The following SMPDL3A variants were observed in gnomAD, a reference collection of about 807,000 sequenced individuals.
SMPDL3A encodes cyclic GMP-AMP phosphodiesterase SMPDL3A.
In SMPDL3A, 39 loss-of-function variants were observed where a neutral mutation model predicts 38.5. That is an observed-to-expected ratio of 1.01 (90% CI 0.78 to 1.32). The LOEUF is 1.32. Among genes scored for constraint, SMPDL3A ranks in the 40% most tolerant of loss-of-function variants. The pLI, the probability that SMPDL3A is intolerant of heterozygous loss-of-function variation, is 0.00. For missense variants in SMPDL3A, 502 were observed against 536.2 expected (o/e 0.94, Z 0.63); for synonymous variants, 180 against 194.3 (o/e 0.93, Z 0.61).
At chr6:122,792,179 G>T (rs1781100022) in intron 1 of SMPDL3A, among the ~76,000 whole-genome samples, 1 of 152,200 alleles carries the variant, frequency 6.6e-6, no homozygotes, top group South Asian at 2.1e-4. Flanking sequence ...CATTATTCAT[G>T]AGTCCCAGGT....
rs968463105 is a variant in SMPDL3A at position 122,809,382 on chromosome 6, C to T, written c.1336C>T (p.Gln446Ter). 2 of 1,613,082 alleles carry T rather than the reference C, an allele frequency of 1.2e-6. No individual in the cohort carries two copies. Among genetic ancestry groups the T allele is most frequent in the Non-Finnish European group, 8.5e-7 (1 of 1,179,426 alleles). The change falls in exon 8 of 8, where the codon CAG becomes TAG. Residue 446 changes from glutamine (Q) to a stop codon, truncating the protein, a stop_gained. Transcript: ENST00000368440. LOFTEE classifies it low-confidence loss of function (END_TRUNC). The part of the protein sequence containing the change: ...DNISYADCLK[Q>*]LYIKHNY The stretch of plus-strand genomic sequence containing the variant: ...TATTTCCTATGCAGATTGCCTCAAA[C>T]AGCTTTATATAAAGCACAATTACTA...
chr6:122,802,605 G>A (rs1388449663), intron 4 of SMPDL3A, among the ~76,000 whole-genome samples: 2 of 152,184 alleles, frequency 1.3e-5, no homozygotes, highest in African/African-American at 4.8e-5. Flanking sequence ...GAAATGCTCT[G>A]CCTTCTAAGG....
chr6:122,799,623 TG>T (rs1224815401), intron 3 of SMPDL3A, among the ~76,000 whole-genome samples: 1 of 152,182 alleles, frequency 6.6e-6, no homozygotes, highest in Non-Finnish European at 1.5e-5. Context: ...CCTAAGCTGT[TG>T]TGTAATTCTC....
chr6:122,808,504 T>C lies in SMPDL3A; in HGVS notation c.1045-587T>C, dbSNP rs544485086. On this transcript the variant is annotated intron_variant, in intron 7 of 7. Coordinates refer to ENST00000368440, the MANE Select transcript of SMPDL3A (RefSeq NM_006714.5). Reference sequence around the variant, plus strand: ...TTGAAGGTTTTTTATTTTGTTCACCTCTCTTTATAGTTTGGATTACATGCT... The same window carrying C: ...TTGAAGGTTTTTTATTTTGTTCACCCCTCTTTATAGTTTGGATTACATGCT... Among the ~76,000 whole-genome samples the C allele has an allele frequency of 7.9e-5, 12 of 152,224 alleles. No homozygotes were observed. The South Asian group carries it at 2.1e-3, about 26-fold the overall frequency.
At chr6:122,791,510 A>G (rs1305337949) in intron 1 of SMPDL3A, among the ~76,000 whole-genome samples, 2 of 152,126 alleles carry the variant, frequency 1.3e-5, no homozygotes, top group Non-Finnish European at 2.9e-5. Context: ...TGAGTGTTCA[A>G]ACTATGTTCA....
intron 5 of SMPDL3A, 108 bp downstream of exon 5, chr6:122,803,941 GA>G (rs1781511377): frequency 2.3e-6 from 2 of 873,526 alleles, no homozygotes; most frequent in Non-Finnish European, 3.4e-6. Flanking sequence ...ATAATTTGAA[GA>G]TTTTTTTTGC....
rs1582527493 is a variant in SMPDL3A, at chr6:122,789,280, T to C, written c.-67T>C. On this transcript the variant is annotated 5_prime_UTR_variant, in exon 1 of 8. Coordinates refer to ENST00000368440, the MANE Select transcript of SMPDL3A (RefSeq NM_006714.5). ...GCCGTCTTCTGTCTCCGCCTCACCC[T>C]CAGGCCTGACGGTCCGAGTGGAGCT... 2 of 1,174,408 alleles carry C rather than the reference T, an allele frequency of 1.7e-6. No individual in the cohort carries two copies. Among genetic ancestry groups the C allele is most frequent in the East Asian group, 2.6e-5 (1 of 37,768 alleles). 72.7% of individuals were successfully genotyped at this position (1,174,408 alleles called of 1,614,324 possible). A position where few individuals can be genotyped will look rare whatever the true frequency, so the allele number is the denominator to read the frequency against.
intron 4 of SMPDL3A, among the ~76,000 whole-genome samples, chr6:122,801,729 G>A (rs1193029151): frequency 2.0e-5 from 3 of 152,234 alleles, no homozygotes; most frequent in Non-Finnish European, 4.4e-5. Flanking sequence ...ATTGAGAAGA[G>A]AGAATGGACA....
intron 4 of SMPDL3A, among the ~76,000 whole-genome samples, chr6:122,803,421 A>C (rs1217581055): frequency 6.6e-6 from 1 of 152,188 alleles, no homozygotes; most frequent in East Asian, 1.9e-4. Context: ...TGAATATTGG[A>C]TACAGCTGTT....
chr6:122,796,402 C>A (rs1781249242), intron 2 of SMPDL3A, among the ~76,000 whole-genome samples: 1 of 152,138 alleles, frequency 6.6e-6, no homozygotes, highest in Non-Finnish European at 1.5e-5. Flanking sequence ...TTAATTTTTA[C>A]AATGGATATT....
chr6:122,803,729 T>C lies in SMPDL3A; in HGVS notation c.634T>C (p.Leu212=). The change falls in exon 5 of 8, where the codon TTG becomes CTG. Residue 212 remains leucine, a synonymous_variant. Coordinates refer to ENST00000368440, the MANE Select transcript of SMPDL3A (RefSeq NM_006714.5). ...TAGGATCATCAGTCTAAACACAAAC[T>C]TGTACTACGGCCCAAATATAATGAC... is the stretch of plus-strand genomic sequence containing the variant. ...NLRIISLNTN[L]YYGPNIMTLN... The C allele has an allele frequency of 6.2e-7, 1 of 1,614,070 alleles. No individual in the cohort carries two copies. The highest frequency in any genetic ancestry group is 8.5e-7 in the Non-Finnish European group (1 of 1,179,962).
In SMPDL3A at chr6:122,789,459, G is replaced by C. The variant is rs1354684132; in HGVS notation, c.112+1G>C. 3 of 1,547,692 alleles carry C rather than the reference G, an allele frequency of 1.9e-6. No individual in the cohort carries two copies. The highest frequency in any genetic ancestry group is 2.6e-6 in the Non-Finnish European group (3 of 1,144,854). Reference sequence around the variant, plus strand: ...GGCAGGAATCCTCCTCCGGCGATAGGTGAGTTGTCCGCGACCCTTCTCTTC... The same window carrying C: ...GGCAGGAATCCTCCTCCGGCGATAGCTGAGTTGTCCGCGACCCTTCTCTTC... On this transcript the variant is annotated splice_donor_variant, in intron 1 of 7. Transcript: ENST00000368440. LOFTEE classifies it high-confidence loss of function.
At chr6:122,798,850 G>A (rs571845564) in intron 3 of SMPDL3A, among the ~76,000 whole-genome samples, 6 of 152,044 alleles carry the variant, frequency 3.9e-5, no homozygotes, top group Non-Finnish European at 8.8e-5. Context: ...GGTAAATTGG[G>A]CAGCCTACAT....
intron 2 of SMPDL3A, among the ~76,000 whole-genome samples, chr6:122,796,109 T>C (rs1228217430): frequency 2.0e-5 from 3 of 152,148 alleles, no homozygotes; most frequent in African/African-American, 7.2e-5. Context: ...CAGTGTTAAC[T>C]AAGAGATGAA....
intron 7 of SMPDL3A, among the ~76,000 whole-genome samples, chr6:122,808,609 C>CCTT (rs1562357722): frequency 2.3e-3 from 101 of 44,362 alleles, no homozygotes; most frequent in South Asian, 8.7e-3. Flanking sequence ...CTCCCTCCCT[C>CCTT]CCTTCCTTCC....
chr6:122,798,689 CA>C (rs1562350774), intron 3 of SMPDL3A, among the ~76,000 whole-genome samples: 1 of 152,160 alleles, frequency 6.6e-6, no homozygotes, highest in African/African-American at 2.4e-5. Flanking sequence ...TAAGTGGTGA[CA>C]GGGGATACAT....
intron 6 of SMPDL3A, 94 bp from the exon 7 acceptor site, chr6:122,806,139 T>G: frequency 8.9e-7 from 1 of 1,125,376 alleles, no homozygotes. Context: ...CACTTGGTTA[T>G]GTCTGTTAAT....
In SMPDL3A at chr6:122,801,302, G is replaced by A. The variant is rs1256505745; in HGVS notation, c.472-8G>A. On this transcript the variant is annotated splice_polypyrimidine_tract_variant and splice_region_variant and intron_variant, in intron 3 of 7. Coordinates refer to ENST00000368440, the MANE Select transcript of SMPDL3A (RefSeq NM_006714.5). ...ATTTCAATGGTGGATTATATTGTTT[G>A]TGGCCAGGATCAACTGCCTGTAGTC... The A allele has an allele frequency of 6.3e-7, 1 of 1,597,694 alleles. No homozygotes were observed. Among genetic ancestry groups the A allele is most frequent in the Non-Finnish European group, 8.6e-7 (1 of 1,165,842 alleles).
At position 122,796,971 on chromosome 6, in the gene SMPDL3A, A is replaced by C; in HGVS notation, c.471+3A>C. On this transcript the variant is annotated splice_donor_region_variant and intron_variant, in intron 3 of 7. Coordinates refer to ENST00000368440, the MANE Select transcript of SMPDL3A (RefSeq NM_006714.5). Reference sequence around the variant, plus strand: ...GTAATCATGACTATTGGCCACAGGTAAATTTGATAGACTTTCAGAAATGCT... The same window carrying C: ...GTAATCATGACTATTGGCCACAGGTCAATTTGATAGACTTTCAGAAATGCT... 1 of 1,608,184 alleles carries C rather than the reference A, an allele frequency of 6.2e-7. No homozygotes were observed. Among genetic ancestry groups the C allele is most frequent in the Non-Finnish European group, 8.5e-7 (1 of 1,178,188 alleles).
Sources: gnomAD v4.1 joint callset for allele counts (sites outside exome capture counted in the v4.1 genomes callset) on GRCh38, gnomAD v4.1.1 for gene constraint, MANE v1.5 for transcripts, NCBI Gene and HGNC (gene_info 2026-07-23, HGNC 2026-07-21) for gene names.